PCYT2: variants seen among roughly 807,000 people sequenced by gnomAD.
PCYT2 encodes the protein ethanolamine-phosphate cytidylyltransferase.
PCYT2 carries 33 observed loss-of-function variants against 50.0 expected under a neutral mutation model. The ratio of observed to expected loss-of-function variants is 0.66; its 90% CI spans 0.50 to 0.88. The LOEUF (loss-of-function observed/expected upper bound fraction) is 0.88. Ranked by LOEUF, PCYT2 falls within the 40% of genes least tolerant of loss-of-function variation. The pLI is 0.00. For missense variants in PCYT2, 430 were observed against 519.7 expected (o/e 0.83, Z 1.68); for synonymous variants, 240 against 203.7 (o/e 1.18, Z -1.52).
At position 81,907,565 on chromosome 17, in the gene PCYT2, T is replaced by C; in HGVS notation, c.526A>G (p.Ser176Gly). The C allele has an allele frequency of 1.2e-6, 2 of 1,611,072 alleles. No individual in the cohort carries two copies. The highest frequency in any genetic ancestry group is 1.7e-6 in the Non-Finnish European group (2 of 1,179,104). The change falls in exon 6 of 13, where the codon AGT becomes GGT. Residue 176 changes from serine to glycine, a missense_variant. Coordinates refer to ENST00000538936, the MANE Select transcript of PCYT2 (RefSeq NM_002861.5). ...ACAGCCGCACTCACCTTGCCAAAAC[T>C]GTCTGCATACTCCCGGTACTCAGAG... ...MSSEYREYAD[S>G]FGKCPGGRNP...
In PCYT2 at chr17:81,906,542, G is replaced by T; in HGVS notation, c.681C>A (p.Ile227=). The T allele has an allele frequency of 6.2e-7, 1 of 1,613,370 alleles. No individual in the cohort carries two copies. Among genetic ancestry groups the T allele is most frequent in the Non-Finnish European group, 8.5e-7 (1 of 1,179,848 alleles). Reference sequence around the variant, plus strand: ...CCTTCTCCAGGAAGTCCACATGCCCGATGTCTGCACCCAGGTTAAGAAGCA... The same window carrying T: ...CCTTCTCCAGGAAGTCCACATGCCCTATGTCTGCACCCAGGTTAAGAAGCA... The part of the protein sequence containing the change: ...YVAGAFDLFH[I]GHVDFLEKVH... Residue 227 remains isoleucine (I), a synonymous_variant, in exon 8 of 13, where the codon ATC becomes ATA. Transcript: ENST00000538936.
rs750852722 is a variant in PCYT2, at chr17:81,911,234, C to A, written c.89+33G>T. ...CGCCCCGGAAGGAAGCCGGCCCCGG[C>A]GCCCCCGCGGCCCGCCCCGGCCCCG... On this transcript the variant is annotated intron_variant, in intron 1 of 12. Coordinates refer to ENST00000538936, the MANE Select transcript of PCYT2 (RefSeq NM_002861.5). 300 of 1,031,002 alleles carry A rather than the reference C, an allele frequency of 2.9e-4. 1 individual carries two copies. In the African/African-American group the frequency reaches 4.6e-3, roughly 16 times the overall value. The allele number at this position is 1,031,002 out of a possible 1,614,324, so 63.9% of individuals were successfully genotyped here. A position where few individuals can be genotyped will look rare whatever the true frequency, so the allele number is the denominator to read the frequency against.
intron 2 of PCYT2, chr17:81,909,259 C>T (rs2040447303): frequency 7.0e-7 from 1 of 1,430,518 alleles, no homozygotes; most frequent in Non-Finnish European, 9.1e-7. Context: ...AGCAGGTGCT[C>T]AGCCCCTGAA....
intron 4 of PCYT2, 62 bp downstream of exon 4, chr17:81,908,506 C>T (rs546326335): frequency 5.3e-5 from 69 of 1,313,010 alleles, no homozygotes; most frequent in African/African-American, 1.6e-4. Context: ...TAGCAAAGCA[C>T]GAGCCAGGAG....
Position 81,911,253 on chromosome 17 carries a change from G to A in PCYT2, c.89+14C>T. On this transcript the variant is annotated intron_variant, in intron 1 of 12. Transcript: ENST00000538936. ...CCCCGGCGCCCCCGCGGCCCGCCCC[G>A]GCCCCGCGCTCACCAGCCATCGCAC... 2 of 1,024,528 alleles carry A rather than the reference G, an allele frequency of 2.0e-6. No homozygotes were observed. The highest frequency in any genetic ancestry group is 8.9e-5 in the East Asian group (1 of 11,208). 63.5% of individuals were successfully genotyped at this position (1,024,528 alleles called of 1,614,324 possible). A position where few individuals can be genotyped will look rare whatever the true frequency, so the allele number is the denominator to read the frequency against.
chr17:81,910,340 C>T (rs1310291263), intron 1 of PCYT2, among the ~76,000 whole-genome samples: 1 of 152,234 alleles, frequency 6.6e-6, no homozygotes, highest in African/African-American at 2.4e-5. Flanking sequence ...CCCTGCCTCT[C>T]CAGGGAGAGG....
At position 81,902,542 on chromosome 17, in the gene PCYT2, CG is replaced by C. The variant is rs2039995536; in HGVS notation, c.*2290del. The C allele has an allele frequency of 2.0e-6, 3 of 1,480,058 alleles. No homozygotes were observed. Among genetic ancestry groups the C allele is most frequent in the African/African-American group, 2.9e-5 (2 of 67,844 alleles). The allele number at this position is 1,480,058 out of a possible 1,614,324, so 91.7% of individuals were successfully genotyped here. On this transcript the variant is annotated 3_prime_UTR_variant, in exon 13 of 13. Coordinates refer to ENST00000538936, the MANE Select transcript of PCYT2 (RefSeq NM_002861.5). ...GCGGAGCCTCGTGAGTCCGGCGTGC[CG>C]GGGACTGATGGGGGGCGGCGGCAGG...
In PCYT2 at chr17:81,902,385, G is replaced by T; in HGVS notation, c.*2448C>A. 7.5e-7 allele frequency: 1 copy of T among 1,342,060 alleles called. No individual in the cohort carries two copies. The highest frequency in any genetic ancestry group is 9.5e-7 in the Non-Finnish European group (1 of 1,053,638). 83.1% of individuals were successfully genotyped at this position (1,342,060 alleles called of 1,614,324 possible). On this transcript the variant is annotated 3_prime_UTR_variant, in exon 13 of 13. Coordinates refer to ENST00000538936, the MANE Select transcript of PCYT2 (RefSeq NM_002861.5). The stretch of plus-strand genomic sequence containing the variant: ...CAGCGGCGGGGCACAGCTCCTACTC[G>T]GTGGGCCGCGCCGCGGGGCTGCTGT...
intron 1 of PCYT2, among the ~76,000 whole-genome samples, chr17:81,910,438 C>G (rs575951795): frequency 5.0e-4 from 76 of 152,362 alleles, no homozygotes; most frequent in African/African-American, 1.7e-3. Flanking sequence ...GTGCGCGGAG[C>G]CCGGCAGACA....
rs763945631 is a variant in PCYT2 at position 81,906,534 on chromosome 17, A to T, written c.689T>A (p.Val230Glu). The T allele has an allele frequency of 1.2e-6, 2 of 1,613,400 alleles. No individual in the cohort carries two copies. The highest frequency in any genetic ancestry group is 1.7e-6 in the Non-Finnish European group (2 of 1,179,952). Residue 230 changes from valine (V) to glutamate (E), a missense_variant, in exon 8 of 13, where the codon GTG becomes GAG. This residue lies in a region of PCYT2 where 248 missense variants were observed against 300.2 expected (regional missense o/e 0.83). Coordinates refer to ENST00000538936, the MANE Select transcript of PCYT2 (RefSeq NM_002861.5). Reference sequence around the variant, plus strand: ...CCTGTGCACCTTCTCCAGGAAGTCCACATGCCCGATGTCTGCACCCAGGTT... The same window carrying T: ...CCTGTGCACCTTCTCCAGGAAGTCCTCATGCCCGATGTCTGCACCCAGGTT... The part of the protein sequence containing the change: ...GAFDLFHIGH[V>E]DFLEKVHRLA...
At chr17:81,905,351 C>G in intron 11 of PCYT2, 31 bp downstream of exon 11, 2 of 1,541,084 alleles carry the variant, frequency 1.3e-6, no homozygotes, top group Non-Finnish European at 1.8e-6. Flanking sequence ...AATGGCAACC[C>G]CTGTGCCCAG....
chr17:81,909,931 C>T (rs2040484752), intron 1 of PCYT2, among the ~76,000 whole-genome samples: 1 of 152,188 alleles, frequency 6.6e-6, no homozygotes, highest in Non-Finnish European at 1.5e-5. Flanking sequence ...GTCCTATCCC[C>T]TCACCAAATA....
rs779851740 is a variant in PCYT2, at chr17:81,905,716, A to G, written c.857T>C (p.Ile286Thr). 6 of 1,613,646 alleles carry G rather than the reference A, an allele frequency of 3.7e-6. No homozygotes were observed. Among genetic ancestry groups the G allele is most frequent in the East Asian group, 4.5e-5 (2 of 44,878 alleles). The change falls in exon 10 of 13, where the codon ATT (isoleucine) becomes ACT (threonine). Residue 286 changes from isoleucine to threonine, a missense_variant. Coordinates refer to ENST00000538936, the MANE Select transcript of PCYT2 (RefSeq NM_002861.5). ...TGCTGTGACCGCGTACGGGGCTCCAATCACCACTTCTGACACGTACTGTGG... is the reference window on the plus strand; with the variant it reads ...TGCTGTGACCGCGTACGGGGCTCCAGTCACCACTTCTGACACGTACTGTGG... ...LACRYVSEVV[I>T]GAPYAVTAEL... is the part of the protein sequence containing the mutation.
At position 81,902,040 on chromosome 17, in the gene PCYT2, T is replaced by C. The variant is rs2039969801; in HGVS notation, c.*2793A>G. The C allele has an allele frequency of 1.1e-5, 3 of 277,110 alleles. No individual in the cohort carries two copies. Among genetic ancestry groups the C allele is most frequent in the Admixed American group, 5.4e-5 (1 of 18,600 alleles). The allele number at this position is 277,110 out of a possible 1,614,324, so 17.2% of individuals were successfully genotyped here. ...CATGGGTGGGGAGCTTGAGGGGGCG[T>C]TGGGCTCCCACCAAGCGCCAGATCC... On this transcript the variant is annotated 3_prime_UTR_variant, in exon 13 of 13. Transcript: ENST00000538936.
At chr17:81,907,266 GGA>G in intron 6 of PCYT2, 1 of 1,531,664 alleles carries the variant, frequency 6.5e-7, no homozygotes, top group Non-Finnish European at 8.7e-7. Flanking sequence ...GGCTACAATG[GGA>G]GAGAGGGCCA....
chr17:81,901,463 G>A lies in PCYT2; in HGVS notation c.*3370C>T, dbSNP rs1040906268. 3 of 152,362 alleles carry A rather than the reference G, an allele frequency of 2.0e-5. No individual in the cohort carries two copies. The highest frequency in any genetic ancestry group is 4.8e-5 in the African/African-American group (2 of 41,456). 9.4% of individuals were successfully genotyped at this position (152,362 alleles called of 1,614,324 possible). ...ACTCAGCATTCACCATCACACCTGG[G>A]AAGCATGGAACCCAGAAACAAGTGC... is the stretch of plus-strand genomic sequence containing the variant. On this transcript the variant is annotated 3_prime_UTR_variant, in exon 13 of 13. Transcript: ENST00000538936.
rs565804726 is a variant in PCYT2, at chr17:81,904,539, G to A, written c.*294C>T. 1.2e-4 allele frequency: 45 copies of A among 390,086 alleles called. No individual in the cohort carries two copies. The highest frequency in any genetic ancestry group is 6.8e-4 in the Middle Eastern group (1 of 1,472). 24.2% of individuals were successfully genotyped at this position (390,086 alleles called of 1,614,324 possible). A position where few individuals can be genotyped will look rare whatever the true frequency, so the allele number is the denominator to read the frequency against. On this transcript the variant is annotated 3_prime_UTR_variant, in exon 13 of 13. Transcript: ENST00000538936. The stretch of plus-strand genomic sequence containing the variant: ...CTCTGTCCAGGTGGTGGGGGCATCC[G>A]GGGACCAGGTGGGGGCGCACGCAGG...
Position 81,906,272 on chromosome 17 carries a change from G to A in PCYT2, c.760-95C>T, listed in dbSNP as rs1007223543. On this transcript the variant is annotated intron_variant, in intron 8 of 12. Transcript: ENST00000538936. Reference sequence around the variant, plus strand: ...TCCCTCATGGGAAGAAGTCGGGGAGGTTGCTCGCCCTTGTGGGGATGCCCC... The same window carrying A: ...TCCCTCATGGGAAGAAGTCGGGGAGATTGCTCGCCCTTGTGGGGATGCCCC... 8.0e-6 allele frequency: 10 copies of A among 1,247,060 alleles called. No individual in the cohort carries two copies. The African/African-American group carries it at 1.5e-4, about 19-fold the overall frequency. 77.2% of individuals were successfully genotyped at this position (1,247,060 alleles called of 1,614,324 possible).
intron 1 of PCYT2, 32 bp downstream of exon 1, chr17:81,911,235 G>GC: frequency 9.7e-7 from 1 of 1,030,612 alleles, no homozygotes; most frequent in Non-Finnish European, 1.2e-6. Flanking sequence ...CGGCCCCGGC[G>GC]CCCCCGCGGC....
Sources: allele counts gnomAD v4.1 joint callset (sites outside exome capture counted in the v4.1 genomes callset), GRCh38; gene constraint gnomAD v4.1.1; regional missense constraint gnomAD v4.1.1; transcripts MANE v1.5; gene names NCBI Gene and HGNC (gene_info 2026-07-23, HGNC 2026-07-21).